PCDHGA2: variants seen among roughly 807,000 people sequenced by gnomAD.
PCDHGA2 encodes protocadherin gamma-A2.
Under a neutral mutation model 59.2 loss-of-function variants are expected in PCDHGA2, and 40 were observed. The ratio of observed to expected loss-of-function variants is 0.68; its 90% CI spans 0.52 to 0.88. PCDHGA2 has a LOEUF of 0.88. Ranked by LOEUF, PCDHGA2 falls within the 40% of genes least tolerant of loss-of-function variation. The pLI, the probability that PCDHGA2 is intolerant of heterozygous loss-of-function variation, is 0.00. For missense variants in PCDHGA2, 1,226 were observed against 1,204.0 expected (o/e 1.02, Z -0.27); for synonymous variants, 560 against 526.0 (o/e 1.06, Z -0.89).
At position 141,431,555 on chromosome 5, in the gene PCDHGA2, G is replaced by A. The variant is rs2097394199; in HGVS notation, c.2425-63252G>A. On this transcript the variant is annotated intron_variant, in intron 1 of 3. Transcript: ENST00000394576. This position sits in a 1 kb window ranked among gnomAD's most constrained non-coding sequence, Gnocchi z 4.8. The stretch of plus-strand genomic sequence containing the variant: ...GGGCACGCAGCTGCTTGTAGTCAAC[G>A]CTACCGACCCTGACGAAGGAGTCAA... 1 of 1,614,014 alleles carries A rather than the reference G, an allele frequency of 6.2e-7. No individual in the cohort carries two copies. The highest frequency in any genetic ancestry group is 8.5e-7 in the Non-Finnish European group (1 of 1,180,032).
At chr5:141,414,557 A>G (rs749209012) in intron 1 of PCDHGA2, 21 of 1,613,786 alleles carry the variant, frequency 1.3e-5, no homozygotes, top group Non-Finnish European at 1.8e-5. Context: ...CAAGTCTCCT[A>G]CTTTACCTAT....
chr5:141,348,302 A>T (rs918390681), intron 1 of PCDHGA2, among the ~76,000 whole-genome samples: 2 of 152,220 alleles, frequency 1.3e-5, no homozygotes, highest in Non-Finnish European at 2.9e-5. Context: ...TCACTGAAAC[A>T]TGGAAATACA....
intron 1 of PCDHGA2, chr5:141,361,490 T>C (rs775139870): frequency 6.2e-7 from 1 of 1,613,998 alleles, no homozygotes; most frequent in Non-Finnish European, 8.5e-7. Context: ...GCCCCAGTTT[T>C]CCAACAGACT....
chr5:141,479,269 A>C (rs1279389471), intron 1 of PCDHGA2: 1 of 152,374 alleles, frequency 6.6e-6, no homozygotes, highest in Non-Finnish European at 1.5e-5. Context: ...TAAAAGTAAT[A>C]ATTTATTTCA....
intron 1 of PCDHGA2, chr5:141,387,722 C>G: frequency 8.6e-7 from 1 of 1,159,212 alleles, no homozygotes; most frequent in Non-Finnish European, 1.2e-6. Flanking sequence ...TCAGACTCCC[C>G]AGCGCCAGCC....
chr5:141,343,669 T>C (rs1757306275), intron 1 of PCDHGA2, among the ~76,000 whole-genome samples: 1 of 152,242 alleles, frequency 6.6e-6, no homozygotes, highest in African/African-American at 2.4e-5. Context: ...GATTCAATTA[T>C]GTTCAATCAA....
intron 1 of PCDHGA2, among the ~76,000 whole-genome samples, chr5:141,439,224 T>C (rs989512996): frequency 2.2e-4 from 33 of 152,030 alleles, no homozygotes; most frequent in Middle Eastern, 3.4e-3. Context: ...TGAAAATTCT[T>C]AGAAGCTTCC....
rs758013542 is a variant in PCDHGA2 at position 141,418,314 on chromosome 5, C to A, written c.2425-76493C>A. 9 of 1,613,988 alleles carry A rather than the reference C, an allele frequency of 5.6e-6. No homozygotes were observed. In the East Asian group the frequency reaches 1.3e-4, roughly 24 times the overall value. On this transcript the variant is annotated intron_variant, in intron 1 of 3. Coordinates refer to ENST00000394576, the MANE Select transcript of PCDHGA2 (RefSeq NM_018915.4). ...GAATCCGTCAGCCTGGGGATGGGAACAATTCTTGAGTCTGCAGAAGATCCT... is the reference window on the plus strand; with the variant it reads ...GAATCCGTCAGCCTGGGGATGGGAAAAATTCTTGAGTCTGCAGAAGATCCT...
chr5:141,431,364 G>A lies in PCDHGA2; in HGVS notation c.2425-63443G>A. 1 of 1,614,010 alleles carries A rather than the reference G, an allele frequency of 6.2e-7. No homozygotes were observed. The highest frequency in any genetic ancestry group is 8.5e-7 in the Non-Finnish European group (1 of 1,180,022). On this transcript the variant is annotated intron_variant, in intron 1 of 3. Coordinates refer to ENST00000394576, the MANE Select transcript of PCDHGA2 (RefSeq NM_018915.4). This position sits in a 1 kb window ranked among gnomAD's most constrained non-coding sequence, Gnocchi z 4.8. ...TTGGTGCTGAAACGCGCCCTGGACCGCGAAGAAAAGGCTGCTCACCACCTG... is the reference window on the plus strand; with the variant it reads ...TTGGTGCTGAAACGCGCCCTGGACCACGAAGAAAAGGCTGCTCACCACCTG...
At position 141,350,652 on chromosome 5, in the gene PCDHGA2, T is replaced by G. The variant is rs755738484; in HGVS notation, c.2424+9257T>G. Reference sequence around the variant, plus strand: ...ATTAATGACAATGCACCACGTTTCGTTGCAAAAGGCATTGACTTAGAAATT... The same window carrying G: ...ATTAATGACAATGCACCACGTTTCGGTGCAAAAGGCATTGACTTAGAAATT... On this transcript the variant is annotated intron_variant, in intron 1 of 3. Coordinates refer to ENST00000394576, the MANE Select transcript of PCDHGA2 (RefSeq NM_018915.4). 4.3e-6 allele frequency: 7 copies of G among 1,614,044 alleles called. No homozygotes were observed. In the South Asian group the frequency reaches 6.6e-5, roughly 15 times the overall value.
At chr5:141,358,969 G>C (rs1588537487) in intron 1 of PCDHGA2, among the ~76,000 whole-genome samples, 1 of 152,190 alleles carries the variant, frequency 6.6e-6, no homozygotes. Context: ...GGTTCTGTGA[G>C]AATTCAAAAT....
intron 1 of PCDHGA2, among the ~76,000 whole-genome samples, chr5:141,455,291 A>G (rs1212745731): frequency 6.6e-6 from 1 of 152,072 alleles, no homozygotes; most frequent in Non-Finnish European, 1.5e-5. Flanking sequence ...CACTTTACAT[A>G]GTTTCATCTT....
intron 1 of PCDHGA2, among the ~76,000 whole-genome samples, chr5:141,463,489 C>T (rs1190438683): frequency 7.2e-6 from 1 of 138,270 alleles, no homozygotes; most frequent in African/African-American, 2.8e-5. Context: ...CGCTCTGTCA[C>T]CCAGGCTGGA....
chr5:141,441,295 A>C (rs952946372), intron 1 of PCDHGA2: 3 of 152,240 alleles, frequency 2.0e-5, no homozygotes, highest in Non-Finnish European at 4.4e-5. Flanking sequence ...CACATGTCTG[A>C]TATAAGAAAA....
At chr5:141,469,079 C>T (rs1169035651) in intron 1 of PCDHGA2, among the ~76,000 whole-genome samples, 1 of 151,492 alleles carries the variant, frequency 6.6e-6, no homozygotes, top group Non-Finnish European at 1.5e-5. Context: ...GAGTTTGAGA[C>T]CATTCTAGGC....
intron 1 of PCDHGA2, among the ~76,000 whole-genome samples, chr5:141,447,463 C>T (rs1004772636): frequency 6.6e-6 from 1 of 152,142 alleles, no homozygotes; most frequent in African/African-American, 2.4e-5. Context: ...AGTTTTTCTT[C>T]ACCATCTGTA....
intron 1 of PCDHGA2, chr5:141,371,463 C>A (rs753028927): frequency 6.2e-7 from 1 of 1,613,952 alleles, no homozygotes; most frequent in Non-Finnish European, 8.5e-7. Context: ...CCAACATATA[C>A]AAGAAGATGC....
chr5:141,372,417 C>T lies in PCDHGA2; in HGVS notation c.2424+31022C>T, dbSNP rs762705826. 12 of 1,614,062 alleles carry T rather than the reference C, an allele frequency of 7.4e-6. No homozygotes were observed. In the South Asian group the frequency reaches 1.2e-4, roughly 16 times the overall value. ...TAGCTTGCAAGAGATACAACCTGAC[C>T]TTAGCGACCGCCCCACTCCCTCTGA... On this transcript the variant is annotated intron_variant, in intron 1 of 3. Transcript: ENST00000394576.
At chr5:141,349,321 T>A (rs1169354702) in intron 1 of PCDHGA2, among the ~76,000 whole-genome samples, 1 of 152,150 alleles carries the variant, frequency 6.6e-6, no homozygotes, top group Non-Finnish European at 1.5e-5. Context: ...CTTCCCACCT[T>A]GGCCTCCCAA....
Sources: gnomAD v4.1 joint callset for allele counts (sites outside exome capture counted in the v4.1 genomes callset) on GRCh38, gnomAD v4.1.1 for gene constraint, Gnocchi (gnomAD v3.1) non-coding constraint, MANE v1.5 for transcripts, NCBI Gene and HGNC (gene_info 2026-07-23, HGNC 2026-07-21) for gene names.